The following CALD1 variants were observed in gnomAD, a reference collection of about 807,000 sequenced individuals.
The protein encoded by CALD1 is caldesmon.
CALD1 carries 33 observed loss-of-function variants against 99.9 expected under a neutral mutation model. That is an observed-to-expected ratio of 0.33 (90% CI 0.25 to 0.44). CALD1 has a LOEUF of 0.44. Ranked by LOEUF, CALD1 falls within the 20% of genes least tolerant of loss-of-function variation. The pLI is 1.00. For synonymous variants in CALD1, 310 were observed against 325.0 expected (o/e 0.95, Z 0.50); for missense variants, 861 against 962.1 (o/e 0.89, Z 1.39).
intron 1 of CALD1, among the ~76,000 whole-genome samples, chr7:134,836,400 G>C (rs10488463): frequency 0.12 from 18,264 of 152,154 alleles, 1,272 homozygotes; most frequent in South Asian, 0.19. Flanking sequence ...CTGAAACTTA[G>C]GTAACTTAAC....
At chr7:134,951,038 A>G (rs1807297942) in intron 9 of CALD1, among the ~76,000 whole-genome samples, 1 of 152,208 alleles carries the variant, frequency 6.6e-6, no homozygotes. Context: ...GTGAGGGCCT[A>G]TTCCTCATAG....
intron 8 of CALD1, chr7:134,948,176 G>T: frequency 6.3e-6 from 1 of 157,510 alleles, no homozygotes; most frequent in Non-Finnish European, 1.4e-5. Context: ...ATGAAGTTAT[G>T]GTTTTCTAAT....
chr7:134,719,352 G>A, the CALD1 span, among the ~76,000 whole-genome samples: 2 of 152,134 alleles, frequency 1.3e-5, no homozygotes, highest in African/African-American at 4.8e-5. Context: ...GCAAATAGAG[G>A]GCTGGGGTCC....
At chr7:134,896,129 T>C (rs1211759950) in intron 3 of CALD1, among the ~76,000 whole-genome samples, 4 of 152,166 alleles carry the variant, frequency 2.6e-5, no homozygotes. Context: ...GGTCCAACCC[T>C]AGCCAATAGG....
chr7:134,748,495 A>G (rs1349493202), intron 1 of CALD1, among the ~76,000 whole-genome samples: 1 of 152,202 alleles, frequency 6.6e-6, no homozygotes, highest in East Asian at 1.9e-4. Context: ...GGATCACCTG[A>G]GGTCAGGAGT....
chr7:134,768,388 T>C (rs554240435), intron 1 of CALD1, among the ~76,000 whole-genome samples: 30 of 152,240 alleles, frequency 2.0e-4, no homozygotes, highest in Non-Finnish European at 4.3e-4. Context: ...CACCAAGTGC[T>C]GAGCAGGTGC....
chr7:134,959,874 T>A, intron 11 of CALD1, 100 bp from the exon 12 acceptor site: 1 of 1,301,502 alleles, frequency 7.7e-7, no homozygotes, highest in Non-Finnish European at 1.1e-6. Context: ...GTTTACACAA[T>A]GAATTTTTAA....
chr7:134,796,949 G>A (rs1797766473), intron 1 of CALD1, among the ~76,000 whole-genome samples: 1 of 152,112 alleles, frequency 6.6e-6, no homozygotes, highest in Non-Finnish European at 1.5e-5. Flanking sequence ...AAACCCTACA[G>A]TGCTGAAAAG....
chr7:134,718,171 T>C, the CALD1 span, among the ~76,000 whole-genome samples: 4 of 152,196 alleles, frequency 2.6e-5, no homozygotes, highest in African/African-American at 4.8e-5. Context: ...AAGTTCTAGA[T>C]TGAAAACATT....
At chr7:134,837,029 A>T (rs1799469349) in intron 1 of CALD1, among the ~76,000 whole-genome samples, 1 of 150,270 alleles carries the variant, frequency 6.7e-6, no homozygotes. Flanking sequence ...ACAGGATAAG[A>T]TCTGTTTTTT....
chr7:134,752,218 G>A (rs920812631), intron 1 of CALD1, among the ~76,000 whole-genome samples: 3 of 152,186 alleles, frequency 2.0e-5, no homozygotes, highest in Non-Finnish European at 4.4e-5. Context: ...TGGACAGAAT[G>A]CTTATTTCAT....
chr7:134,917,305 T>C (rs1205220641), intron 3 of CALD1, among the ~76,000 whole-genome samples: 1 of 152,194 alleles, frequency 6.6e-6, no homozygotes, highest in Non-Finnish European at 1.5e-5. Flanking sequence ...ATTGACAACA[T>C]TTTTTAAAAG....
intron 3 of CALD1, chr7:134,920,594 C>G (rs1489711525): frequency 7.0e-6 from 9 of 1,288,498 alleles, no homozygotes; most frequent in Non-Finnish European, 9.1e-6. Flanking sequence ...ATCTCAGTTA[C>G]CAGCCTGAAA....
intron 2 of CALD1, among the ~76,000 whole-genome samples, chr7:134,851,489 T>C (rs1186877176): frequency 1.3e-5 from 2 of 152,126 alleles, no homozygotes; most frequent in African/African-American, 4.8e-5. Context: ...CAGAGACGAG[T>C]ACAACCTAAT....
chr7:134,723,361 C>T, the CALD1 span, among the ~76,000 whole-genome samples: 1 of 151,994 alleles, frequency 6.6e-6, no homozygotes, highest in African/African-American at 2.4e-5. Context: ...GGCTCAGAGC[C>T]CTACCCTGGT....
intron 3 of CALD1, among the ~76,000 whole-genome samples, chr7:134,876,260 T>C (rs1027415386): frequency 6.6e-6 from 1 of 152,206 alleles, no homozygotes; most frequent in Non-Finnish European, 1.5e-5. Context: ...AAACTGCCTG[T>C]TAAATATTAA....
At chr7:134,796,344 T>C (rs570013189) in intron 1 of CALD1, among the ~76,000 whole-genome samples, 6 of 152,322 alleles carry the variant, frequency 3.9e-5, no homozygotes, top group Non-Finnish European at 7.3e-5. Context: ...TACAAAAGGA[T>C]GTTAGGCAGT....
upstream of CALD1, among the ~76,000 whole-genome samples, chr7:134,777,298 T>C (rs1796926098): frequency 6.6e-6 from 1 of 152,210 alleles, no homozygotes; most frequent in African/African-American, 2.4e-5. Context: ...ATGATAAGTG[T>C]ATTTCAAATA....
At chr7:134,743,972 A>C (rs1289610951), upstream of CALD1, among the ~76,000 whole-genome samples, 5 of 152,232 alleles carry the variant, frequency 3.3e-5, no homozygotes, top group East Asian at 9.6e-4. Flanking sequence ...TCAATGAAAA[A>C]TAGCCAATCA....
Sources: allele counts gnomAD v4.1 joint callset (sites outside exome capture counted in the v4.1 genomes callset), GRCh38; gene constraint gnomAD v4.1.1; transcripts MANE v1.5; gene names NCBI Gene and HGNC (gene_info 2026-07-23, HGNC 2026-07-21).